Variants in GLIS3 observed in about 807,000 individuals in gnomAD.
The protein encoded by GLIS3 is GLIS family zinc finger 3.
Under a neutral mutation model 78.6 loss-of-function variants are expected in GLIS3, and 53 were observed. The observed-to-expected ratio is 0.67, with a 90% confidence interval of 0.54 to 0.85. The LOEUF (loss-of-function observed/expected upper bound fraction) is 0.85. Among genes scored for constraint, GLIS3 ranks in the 40% least tolerant of loss-of-function variants. GLIS3 has a pLI of 0.00. For synonymous variants in GLIS3, 684 were observed against 509.9 expected, an observed-to-expected ratio of 1.34 and a Z score of -4.60; for missense variants, 1,703 against 1,231.1, an observed-to-expected ratio of 1.38 and a Z score of -5.74.
At chr9:4,117,134 C>G (rs778837418) in intron 4 of GLIS3, among the ~76,000 whole-genome samples, 31 of 152,332 alleles carry the variant, frequency 2.0e-4, no homozygotes, top group South Asian at 8.3e-4. Flanking sequence ...CCTCATATCT[C>G]TCTACAAAAT....
At chr9:4,230,257 G>A (rs1157253639) in intron 2 of GLIS3, among the ~76,000 whole-genome samples, 5 of 152,168 alleles carry the variant, frequency 3.3e-5, no homozygotes, top group Non-Finnish European at 5.9e-5. Context: ...AACTAAGAAA[G>A]AAACAGAAAT....
At chr9:4,195,111 A>G (rs1818690306) in intron 2 of GLIS3, among the ~76,000 whole-genome samples, 1 of 152,200 alleles carries the variant, frequency 6.6e-6, no homozygotes, top group African/African-American at 2.4e-5. Context: ...GGGGCAGGAG[A>G]AGAGCTCCTC....
At chr9:4,333,653 C>T (rs1817715326) in intron 2 of GLIS3, among the ~76,000 whole-genome samples, 1 of 152,074 alleles carries the variant, frequency 6.6e-6, no homozygotes, top group African/African-American at 2.4e-5. Context: ...GGCTATGAGA[C>T]CCTTTTGTCA....
At chr9:3,842,041 C>T (rs1444484354) in intron 9 of GLIS3, among the ~76,000 whole-genome samples, 1 of 152,200 alleles carries the variant, frequency 6.6e-6, no homozygotes, top group Non-Finnish European at 1.5e-5. Context: ...TCCAACTAAG[C>T]TTTGCTGTAA....
chr9:4,074,619 G>C (rs995303328), intron 4 of GLIS3, among the ~76,000 whole-genome samples: 4 of 152,102 alleles, frequency 2.6e-5, no homozygotes, highest in African/African-American at 9.7e-5. Flanking sequence ...TATCATAGGA[G>C]ATGTGCTTTC....
chr9:4,193,582 A>G (rs957913617), intron 2 of GLIS3, among the ~76,000 whole-genome samples: 3 of 152,242 alleles, frequency 2.0e-5, no homozygotes, highest in African/African-American at 7.2e-5. Flanking sequence ...TGCAAAGGGC[A>G]GGGCAGTTTC....
At position 4,107,456 on chromosome 9, in the gene GLIS3, A is replaced by G. The variant is rs553629527; in HGVS notation, c.1710+10312T>C. On this transcript the variant is annotated intron_variant, in intron 4 of 10. Coordinates refer to ENST00000381971, the MANE Select transcript of GLIS3 (RefSeq NM_001042413.2). ...CTCAACAACATGTCTTTCACCCTAGACTCAGATTGCAGAGCCATTAGATTG... is the reference window on the plus strand; with the variant it reads ...CTCAACAACATGTCTTTCACCCTAGGCTCAGATTGCAGAGCCATTAGATTG... Among the ~76,000 whole-genome samples the G allele has an allele frequency of 5.9e-5, 9 of 152,182 alleles. No individual in the cohort carries two copies. In the South Asian group the frequency reaches 1.9e-3, roughly 32 times the overall value.
At chr9:4,085,616 T>C (rs1395096011) in intron 4 of GLIS3, among the ~76,000 whole-genome samples, 1 of 152,176 alleles carries the variant, frequency 6.6e-6, no homozygotes. Context: ...CATGTTGAAG[T>C]GTAATTCCCA....
chr9:4,421,330 C>G, the GLIS3 span, among the ~76,000 whole-genome samples: 2 of 152,120 alleles, frequency 1.3e-5, no homozygotes, highest in Non-Finnish European at 2.9e-5. Flanking sequence ...AAGCCTGGTT[C>G]CAACTGAAAG....
intron 2 of GLIS3, among the ~76,000 whole-genome samples, chr9:4,332,959 G>A (rs1817707140): frequency 6.6e-6 from 1 of 152,194 alleles, no homozygotes; most frequent in African/African-American, 2.4e-5. Context: ...TTGATTCAAT[G>A]TTAACGTTTT....
At chr9:4,112,011 T>C (rs534667875) in intron 4 of GLIS3, among the ~76,000 whole-genome samples, 2 of 152,238 alleles carry the variant, frequency 1.3e-5, no homozygotes, top group Non-Finnish European at 2.9e-5. Context: ...AAGATCATTT[T>C]CTATTAAAAG....
the GLIS3 span, among the ~76,000 whole-genome samples, chr9:4,419,720 C>A: frequency 6.6e-6 from 1 of 152,110 alleles, no homozygotes; most frequent in Non-Finnish European, 1.5e-5. Context: ...GCAGAAGTTG[C>A]AGTGAGCCGA....
the GLIS3 span, among the ~76,000 whole-genome samples, chr9:4,454,595 A>G: frequency 6.6e-6 from 1 of 152,166 alleles, no homozygotes; most frequent in African/African-American, 2.4e-5. Flanking sequence ...ACTAGTGGAC[A>G]CCTGTTATTT....
intron 9 of GLIS3, among the ~76,000 whole-genome samples, chr9:3,854,171 C>A (rs184466001): frequency 1.9e-4 from 29 of 152,282 alleles, no homozygotes; most frequent in African/African-American, 7.0e-4. Context: ...AGATAAACTC[C>A]TCGACTGGAC....
At chr9:3,876,913 A>G (rs1486735709) in intron 8 of GLIS3, among the ~76,000 whole-genome samples, 1 of 151,864 alleles carries the variant, frequency 6.6e-6, no homozygotes, top group African/African-American at 2.4e-5. Flanking sequence ...AACAGTTAGC[A>G]ACCGTCAGAA....
chr9:3,950,845 C>T (rs940791023), intron 4 of GLIS3, among the ~76,000 whole-genome samples: 1 of 152,166 alleles, frequency 6.6e-6, no homozygotes, highest in Non-Finnish European at 1.5e-5. Context: ...TATTAAAATG[C>T]TTTCTTCCTC....
upstream of GLIS3, among the ~76,000 whole-genome samples, chr9:4,351,397 A>G (rs1296861201): frequency 1.2e-3 from 4 of 3,248 alleles, no homozygotes; most frequent in African/African-American, 1.3e-3. Context: ...AGAGTGTCTC[A>G]AAAAAAAAAA....
chr9:4,289,655 C>T (rs1828284341), intron 1 of GLIS3, among the ~76,000 whole-genome samples: 1 of 151,914 alleles, frequency 6.6e-6, no homozygotes. Flanking sequence ...CCCAGGCTAC[C>T]AGTAACAAAA....
chr9:4,269,538 A>G (rs1826317789), intron 2 of GLIS3, among the ~76,000 whole-genome samples: 2 of 152,218 alleles, frequency 1.3e-5, no homozygotes, highest in South Asian at 4.1e-4. Flanking sequence ...AAAACGATCT[A>G]CTTAAATCAT....
Sources: allele counts gnomAD v4.1 joint callset (sites outside exome capture counted in the v4.1 genomes callset), GRCh38; gene constraint gnomAD v4.1.1; transcripts MANE v1.5; gene names NCBI Gene and HGNC (gene_info 2026-07-23, HGNC 2026-07-21).